The following FHOD3 variants were observed in gnomAD, a reference collection of about 807,000 sequenced individuals.
The protein encoded by FHOD3 is formin homology 2 domain containing 3.
In FHOD3, 90 loss-of-function variants were observed where a neutral mutation model predicts 173.0. The ratio of observed to expected loss-of-function variants is 0.52; its 90% CI spans 0.44 to 0.62. The LOEUF (loss-of-function observed/expected upper bound fraction) is 0.62, where lower values mean the gene tolerates loss of function less well. Among genes scored for constraint, FHOD3 ranks in the 20% least tolerant of loss-of-function variants. FHOD3 has a pLI of 0.00. For synonymous variants in FHOD3, 828 were observed against 823.0 expected (o/e 1.01, Z -0.10); for missense variants, 1,945 against 2,034.7 (o/e 0.96, Z 0.85).
At chr18:36,750,496 C>A (rs1412125383) in intron 24 of FHOD3, among the ~76,000 whole-genome samples, 1 of 152,154 alleles carries the variant, frequency 6.6e-6, no homozygotes, top group Admixed American at 6.5e-5. Context: ...TTAATTAGAT[C>A]CCATTTGTCA....
In FHOD3 at chr18:36,717,885, A is replaced by G; in HGVS notation, c.2587A>G (p.Ile863Val). Reference sequence around the variant, plus strand: ...AGGTGTAAATGGACAGTGTGGCGACATCCTCACCAACAAACGGTTCATGCT... The same window carrying G: ...AGGTGTAAATGGACAGTGTGGCGACGTCCTCACCAACAAACGGTTCATGCT... ...DAGVNGQCGD[I>V]LTNKRFMLDM... Residue 863 changes from isoleucine to valine, a missense_variant, in exon 19 of 29, where the codon ATC becomes GTC. Physicochemically the swap from Ile to Val is conservative, Grantham distance 29 (BLOSUM62 3). This residue lies in a region of FHOD3 where 1,099 missense variants were observed against 1,051.2 expected (regional missense o/e 1.05). Transcript: ENST00000590592. The G allele has an allele frequency of 6.2e-7, 1 of 1,611,610 alleles. No individual in the cohort carries two copies. The highest frequency in any genetic ancestry group is 8.5e-7 in the Non-Finnish European group (1 of 1,178,726).
chr18:36,364,860 G>A (rs1031229761), intron 2 of FHOD3, among the ~76,000 whole-genome samples: 1 of 152,164 alleles, frequency 6.6e-6, no homozygotes, highest in Non-Finnish European at 1.5e-5. Flanking sequence ...GCAAGGCTGG[G>A]AGTGGTGAGC....
chr18:36,626,384 T>C (rs1465449052), intron 10 of FHOD3, among the ~76,000 whole-genome samples: 2 of 152,026 alleles, frequency 1.3e-5, no homozygotes, highest in African/African-American at 2.4e-5. Context: ...GAATGGTAGA[T>C]AGAAAAAAAT....
chr18:36,777,646 G>C (rs940059357), intron 28 of FHOD3: 1 of 152,074 alleles, frequency 6.6e-6, no homozygotes, highest in Admixed American at 6.5e-5. Flanking sequence ...AACATAAAAG[G>C]TTATTACAAA....
intron 3 of FHOD3, among the ~76,000 whole-genome samples, chr18:36,401,142 T>C (rs1447291122): frequency 6.6e-6 from 1 of 152,142 alleles, no homozygotes; most frequent in Non-Finnish European, 1.5e-5. Flanking sequence ...CCCAGATTCA[T>C]GTGATGAAAT....
intron 9 of FHOD3, among the ~76,000 whole-genome samples, chr18:36,622,853 C>G (rs981877658): frequency 6.6e-6 from 1 of 152,176 alleles, no homozygotes; most frequent in Non-Finnish European, 1.5e-5. Flanking sequence ...GCAAACAAAG[C>G]CTCTCTTCCT....
intron 3 of FHOD3, among the ~76,000 whole-genome samples, chr18:36,468,773 G>T (rs970495908): frequency 6.6e-6 from 1 of 152,140 alleles, no homozygotes; most frequent in African/African-American, 2.4e-5. Context: ...ACCACCCCAG[G>T]CCCTGCTGTG....
Position 36,709,401 on chromosome 18 carries a change from GC to G in FHOD3, c.2533+14del. On this transcript the variant is annotated intron_variant, in intron 18 of 28. Coordinates refer to ENST00000590592, the MANE Select transcript of FHOD3 (RefSeq NM_001281740.3). ...AGGGACAGGACAACTGGTAAATGAA[GC>G]CCCTTGTTTCAGTCGGCATGTGCCA... 2 of 1,607,588 alleles carry G rather than the reference GC, an allele frequency of 1.2e-6. No individual in the cohort carries two copies. Among genetic ancestry groups the G allele is most frequent in the South Asian group, 2.2e-5 (2 of 90,464 alleles).
At chr18:36,628,588 G>A (rs1055003657) in intron 10 of FHOD3, among the ~76,000 whole-genome samples, 2 of 152,192 alleles carry the variant, frequency 1.3e-5, no homozygotes, top group Admixed American at 1.3e-4. Context: ...TCTACACTGA[G>A]CATTTGCCCA....
At chr18:36,380,115 A>G (rs1016499064) in intron 3 of FHOD3, among the ~76,000 whole-genome samples, 3 of 152,230 alleles carry the variant, frequency 2.0e-5, no homozygotes, top group Non-Finnish European at 4.4e-5. Context: ...AACTGCTACC[A>G]GTTCAAGATT....
In FHOD3 at chr18:36,297,901, C is replaced by T. The variant is rs1306795413; in HGVS notation, c.66C>T (p.Phe22=). ...CGGACCCTTTCAACAGCACCAACTT[C>T]CCCGAGCCCAGCCGGCCGCCGCTGT... The part of the protein sequence containing the change: ...DDTDPFNSTN[F]PEPSRPPLFT... Residue 22 remains phenylalanine, a synonymous_variant, in exon 1 of 29, where the codon TTC becomes TTT. Coordinates refer to ENST00000590592, the MANE Select transcript of FHOD3 (RefSeq NM_001281740.3). The T allele has an allele frequency of 6.4e-7, 1 of 1,559,342 alleles. No homozygotes were observed. The highest frequency in any genetic ancestry group is 2.4e-5 in the East Asian group (1 of 41,026).
intron 28 of FHOD3, chr18:36,778,311 T>G (rs2043836377): frequency 6.6e-6 from 1 of 152,196 alleles, no homozygotes; most frequent in Non-Finnish European, 1.5e-5. Context: ...TGAACTTTGA[T>G]CAACAGCCTG....
At chr18:36,602,545 C>T (rs1207863758) in intron 7 of FHOD3, 129 bp from the exon 8 acceptor site, 1 of 746,040 alleles carries the variant, frequency 1.3e-6, no homozygotes, top group Non-Finnish European at 2.4e-6. Context: ...GATAATGTCA[C>T]ACTTTGAAAT....
At chr18:36,632,972 G>A (rs2034621821) in intron 10 of FHOD3, among the ~76,000 whole-genome samples, 2 of 152,172 alleles carry the variant, frequency 1.3e-5, no homozygotes, top group South Asian at 4.1e-4. Context: ...GCACTCTTTG[G>A]CCTTTGACTT....
At chr18:36,313,109 G>A (rs570407579) in intron 1 of FHOD3, among the ~76,000 whole-genome samples, 3 of 152,122 alleles carry the variant, frequency 2.0e-5, no homozygotes, top group Non-Finnish European at 2.9e-5. Flanking sequence ...TTCTTATGTG[G>A]CAGCTCCAGG....
At chr18:36,366,479 C>T (rs960833759) in intron 2 of FHOD3, among the ~76,000 whole-genome samples, 1 of 152,172 alleles carries the variant, frequency 6.6e-6, no homozygotes, top group East Asian at 1.9e-4. Flanking sequence ...AATTCTCACA[C>T]CCTCAGGAGA....
chr18:36,736,124 G>A (rs1450766957), intron 20 of FHOD3, among the ~76,000 whole-genome samples: 3 of 152,196 alleles, frequency 2.0e-5, no homozygotes, highest in African/African-American at 7.2e-5. Flanking sequence ...CTAGGGAGTG[G>A]GAGCACACAG....
Position 36,601,966 on chromosome 18 carries a change from C to A in FHOD3, c.719-708C>A, listed in dbSNP as rs546622905. Among the ~76,000 whole-genome samples the A allele has an allele frequency of 1.3e-3, 205 of 152,326 alleles. 1 individual carries two copies. The highest frequency in any genetic ancestry group is 2.1e-3 in the Non-Finnish European group (142 of 68,038). Reference sequence around the variant, plus strand: ...TGCAGAGCCCAGGCAGCAGTCATCTCTTGTGCCAAGTCCCCTGCAGTCATC... The same window carrying A: ...TGCAGAGCCCAGGCAGCAGTCATCTATTGTGCCAAGTCCCCTGCAGTCATC... On this transcript the variant is annotated intron_variant, in intron 7 of 28. Transcript: ENST00000590592.
rs756888705 is a variant in FHOD3 at position 36,718,628 on chromosome 18, G to T, written c.3330G>T (p.Leu1110=). The change falls in exon 19 of 29, where the codon CTG becomes CTT. Residue 1110 remains leucine (L), a synonymous_variant. Transcript: ENST00000590592. The stretch of plus-strand genomic sequence containing the variant: ...ACAACCGACGCTGCAGAGAATTCCT[G>T]TGGTCAAAACTGGAACCCATTAAGG... The part of the protein sequence containing the change: ...CKNNRRCREF[L]WSKLEPIKVD... 1 of 1,614,144 alleles carries T rather than the reference G, an allele frequency of 6.2e-7. No homozygotes were observed. The highest frequency in any genetic ancestry group is 1.1e-5 in the South Asian group (1 of 91,082).
Sources: allele counts gnomAD v4.1 joint callset (sites outside exome capture counted in the v4.1 genomes callset), GRCh38; gene constraint gnomAD v4.1.1; regional missense constraint gnomAD v4.1.1; transcripts MANE v1.5; gene names NCBI Gene and HGNC (gene_info 2026-07-23, HGNC 2026-07-21).